DLG2: variants seen among roughly 807,000 people sequenced by gnomAD.
The protein encoded by DLG2 is disks large homolog 2.
A neutral mutation model predicts 132.5 loss-of-function variants in DLG2; 45 were observed. The observed-to-expected ratio is 0.34, with a 90% CI of 0.27 to 0.44. The LOEUF (loss-of-function observed/expected upper bound fraction) is 0.44. Ranked by LOEUF, DLG2 falls within the 20% of genes least tolerant of loss-of-function variation. The probability of loss-of-function intolerance (pLI) is 1.00; values close to 1 mark genes in which losing one functional copy is unlikely to be tolerated. For missense variants in DLG2, 1,045 were observed against 1,196.9 expected (o/e 0.87, Z 1.87); for synonymous variants, 424 against 419.6 (o/e 1.01, Z -0.13).
chr11:84,907,729 A>G (rs1186072577), intron 6 of DLG2, among the ~76,000 whole-genome samples: 7 of 152,198 alleles, frequency 4.6e-5, no homozygotes, highest in Non-Finnish European at 2.9e-5. Context: ...TTCCATTCCA[A>G]GAAAACCTGT....
intron 6 of DLG2, among the ~76,000 whole-genome samples, chr11:84,618,007 G>A (rs1000252123): frequency 1.3e-5 from 2 of 152,024 alleles, no homozygotes; most frequent in African/African-American, 2.4e-5. Context: ...AGTCTTGGGG[G>A]CTTAAAGAAC....
intron 15 of DLG2, among the ~76,000 whole-genome samples, chr11:83,881,699 T>C (rs797014459): frequency 4.6e-5 from 7 of 152,282 alleles, no homozygotes; most frequent in African/African-American, 1.7e-4. Context: ...GGCAGACCAA[T>C]GTCCACAGCA....
chr11:85,510,276 A>G (rs1285261758), intron 3 of DLG2, among the ~76,000 whole-genome samples: 3 of 152,128 alleles, frequency 2.0e-5, no homozygotes, highest in Non-Finnish European at 4.4e-5. Flanking sequence ...CTGATAGGCC[A>G]GGATAAGAAA....
At chr11:84,142,515 T>C (rs932833971) in intron 9 of DLG2, among the ~76,000 whole-genome samples, 14 of 152,080 alleles carry the variant, frequency 9.2e-5, no homozygotes, top group Admixed American at 6.6e-5. Context: ...GATACCCAAA[T>C]AGCTGATAAT....
At chr11:83,909,783 G>C (rs2154109706) in intron 15 of DLG2, among the ~76,000 whole-genome samples, 1 of 152,238 alleles carries the variant, frequency 6.6e-6, no homozygotes, top group South Asian at 2.1e-4. Context: ...GATCCCTGGA[G>C]ACAGTATTGC....
chr11:84,534,756 A>G (rs1565221324), intron 6 of DLG2, 25 bp from the exon 7 acceptor site: 1 of 1,610,652 alleles, frequency 6.2e-7, no homozygotes, highest in Non-Finnish European at 8.5e-7. Flanking sequence ...AAGAAAGGAC[A>G]AGTATGTATA....
chr11:85,002,467 C>G (rs1228107859), intron 6 of DLG2, among the ~76,000 whole-genome samples: 1 of 152,108 alleles, frequency 6.6e-6, no homozygotes. Context: ...CTTGGACTAT[C>G]AGAAGTCTGT....
intron 6 of DLG2, among the ~76,000 whole-genome samples, chr11:85,097,564 T>A (rs1357481491): frequency 1.3e-5 from 2 of 152,226 alleles, no homozygotes; most frequent in African/African-American, 4.8e-5. Context: ...AAGGTTGCAA[T>A]GAAAAACTAG....
chr11:85,035,652 C>A (rs1489844194), intron 6 of DLG2, among the ~76,000 whole-genome samples: 2 of 152,090 alleles, frequency 1.3e-5, no homozygotes, highest in African/African-American at 4.8e-5. Context: ...AGAGCCAAAT[C>A]GTATCAGATA....
chr11:84,406,763 T>C (rs1421070449), intron 7 of DLG2, among the ~76,000 whole-genome samples: 1 of 152,220 alleles, frequency 6.6e-6, no homozygotes, highest in Non-Finnish European at 1.5e-5. Context: ...CCACATTTAT[T>C]CCGTTGTATT....
chr11:85,093,264 G>A (rs2069119601), intron 6 of DLG2, among the ~76,000 whole-genome samples: 1 of 152,044 alleles, frequency 6.6e-6, no homozygotes, highest in Non-Finnish European at 1.5e-5. Context: ...ATGTGTCAAG[G>A]GGCAGAAGTC....
intron 4 of DLG2, among the ~76,000 whole-genome samples, chr11:85,276,251 A>T (rs2077885120): frequency 6.6e-6 from 1 of 152,150 alleles, no homozygotes. Flanking sequence ...AACTTTAGGA[A>T]TGTGGCACTT....
At chr11:83,890,472 T>C (rs938719154) in intron 15 of DLG2, among the ~76,000 whole-genome samples, 1 of 152,164 alleles carries the variant, frequency 6.6e-6, no homozygotes, top group Non-Finnish European at 1.5e-5. Context: ...GTTGTTACTG[T>C]CCTCTCCTAC....
chr11:85,089,069 G>A (rs1394023908), intron 6 of DLG2, among the ~76,000 whole-genome samples: 2 of 152,132 alleles, frequency 1.3e-5, no homozygotes, highest in Non-Finnish European at 2.9e-5. Context: ...CCACTTGAGG[G>A]TCCAAAGTCT....
At chr11:85,583,373 G>C (rs1429655731) in intron 3 of DLG2, among the ~76,000 whole-genome samples, 3 of 150,234 alleles carry the variant, frequency 2.0e-5, no homozygotes, top group African/African-American at 4.9e-5. Context: ...TTGTTGTTGA[G>C]ACAGGGTCTC....
intron 6 of DLG2, among the ~76,000 whole-genome samples, chr11:84,737,878 A>C (rs2064068174): frequency 6.6e-6 from 1 of 152,224 alleles, no homozygotes; most frequent in East Asian, 1.9e-4. Context: ...TAACTGGATA[A>C]GTTGTAATGG....
chr11:84,931,212 A>G (rs575462896), intron 6 of DLG2, among the ~76,000 whole-genome samples: 2 of 152,066 alleles, frequency 1.3e-5, no homozygotes, highest in South Asian at 4.2e-4. Context: ...TTAATAGGTA[A>G]ACTTGTGTCA....
At chr11:84,665,691 G>A (rs2099699090) in intron 6 of DLG2, among the ~76,000 whole-genome samples, 1 of 152,078 alleles carries the variant, frequency 6.6e-6, no homozygotes, top group South Asian at 2.1e-4. Context: ...TGTTGTAACA[G>A]TGTTATTACT....
intron 6 of DLG2, among the ~76,000 whole-genome samples, chr11:84,676,526 G>A (rs7930306): frequency 0.015 from 2,311 of 151,980 alleles, 71 homozygotes; most frequent in African/African-American, 0.052. Context: ...ACTAATAAAG[G>A]GAAAGTAAGA....
Sources: gnomAD v4.1 joint callset for allele counts (sites outside exome capture counted in the v4.1 genomes callset) on GRCh38, gnomAD v4.1.1 for gene constraint, MANE v1.5 for transcripts, NCBI Gene and HGNC (gene_info 2026-07-23, HGNC 2026-07-21) for gene names.